SSC5D: variants seen among roughly 807,000 people sequenced by gnomAD.
The protein encoded by SSC5D is scavenger receptor cysteine rich family member with 5 domains.
A neutral mutation model predicts 104.6 loss-of-function variants in SSC5D; 106 were observed. The ratio of observed to expected loss-of-function variants is 1.01; its 90% CI spans 0.87 to 1.19. The LOEUF (loss-of-function observed/expected upper bound fraction) is 1.19. SSC5D is among the 50% of genes most tolerant of loss of function. The pLI is 0.00. For missense variants in SSC5D, 1,993 were observed against 2,153.8 expected (o/e 0.93, Z 1.48); for synonymous variants, 860 against 883.5 (o/e 0.97, Z 0.47).
At position 55,495,653 on chromosome 19, in the gene SSC5D, C is replaced by T. The variant is rs140434611; in HGVS notation, c.1387+870C>T. On this transcript the variant is annotated intron_variant, in intron 8 of 13. Transcript: ENST00000389623. Reference sequence around the variant, plus strand: ...TAAAAAGATTGTGACTGACGGTTCTCAAGAGGATGGCGTGCCACACGGGGC... The same window carrying T: ...TAAAAAGATTGTGACTGACGGTTCTTAAGAGGATGGCGTGCCACACGGGGC... Among the ~76,000 whole-genome samples, 471 of 152,174 alleles carry T rather than the reference C, an allele frequency of 3.1e-3. 1 individual carries two copies. Among genetic ancestry groups the T allele is most frequent in the Non-Finnish European group, 5.0e-3 (337 of 68,008 alleles).
chr19:55,509,995 TTC>T (rs1484437615), intron 12 of SSC5D, among the ~76,000 whole-genome samples: 1 of 151,968 alleles, frequency 6.6e-6, no homozygotes, highest in Non-Finnish European at 1.5e-5. Context: ...TCAATTTGTG[TTC>T]TTTTTTTTTT....
At position 55,497,950 on chromosome 19, in the gene SSC5D, G is replaced by A; in HGVS notation, c.1458G>A (p.Gln486=). 6.4e-7 allele frequency: 1 copy of A among 1,551,882 alleles called. No homozygotes were observed. The highest frequency in any genetic ancestry group is 1.2e-5 in the South Asian group (1 of 84,060). ...CSGRLEVWHD[Q]RWGTVCDDSW... ...GTCGACTGGAGGTGTGGCATGACCA[G>A]CGCTGGGGGACCGTGTGTGACGATA... Residue 486 remains glutamine (Q), a synonymous_variant, in exon 9 of 14, where the codon CAG becomes CAA. Transcript: ENST00000389623.
chr19:55,490,996 G>C lies in SSC5D; in HGVS notation c.811G>C (p.Glu271Gln). Residue 271 changes from glutamate to glutamine, a missense_variant, in exon 6 of 14, where the codon GAA (glutamate) becomes CAA (glutamine). Transcript: ENST00000389623. ...GGACGATGTGGGGTGTGGAGGAGGA[G>C]AACAGGCCCTCCGAGACTGCCCCCG... ...WMDDVGCGGGEQALRDCPRSP... is the reference protein window; with the variant it reads ...WMDDVGCGGGQQALRDCPRSP... The C allele has an allele frequency of 6.5e-7, 1 of 1,549,554 alleles. No individual in the cohort carries two copies.
At position 55,489,542 on chromosome 19, in the gene SSC5D, C is replaced by T; in HGVS notation, c.241C>T (p.Pro81Ser). ...CGCCTTCTTCGGGGAGGGGGCAGGG[C>T]CTGTGTGGCTCAGCGAGCTGGCTTG... ...GGAFFGEGAG[P>S]VWLSELACRG... The change falls in exon 3 of 14, where the codon CCT becomes TCT. Residue 81 changes from proline (P) to serine (S), a missense_variant. By Grantham distance (74) the Pro-to-Ser change is moderately conservative. Coordinates refer to ENST00000389623, the MANE Select transcript of SSC5D (RefSeq NM_001144950.2). 1 of 1,495,716 alleles carries T rather than the reference C, an allele frequency of 6.7e-7. No homozygotes were observed. The highest frequency in any genetic ancestry group is 8.9e-7 in the Non-Finnish European group (1 of 1,127,250). The allele number at this position is 1,495,716 out of a possible 1,614,324, so 92.7% of individuals were successfully genotyped here.
chr19:55,499,365 T>C (rs1159936140), intron 9 of SSC5D, among the ~76,000 whole-genome samples: 1 of 152,212 alleles, frequency 6.6e-6, no homozygotes, highest in African/African-American at 2.4e-5. Flanking sequence ...TCTGTCCCCG[T>C]CTTCCTGAGG....
chr19:55,499,547 G>A (rs557097272), intron 9 of SSC5D, among the ~76,000 whole-genome samples: 1 of 152,326 alleles, frequency 6.6e-6, no homozygotes, highest in East Asian at 1.9e-4. Flanking sequence ...GAGAGGTCAG[G>A]TGTGAAAGGG....
At chr19:55,512,522 C>T (rs536015138) in intron 12 of SSC5D, among the ~76,000 whole-genome samples, 8 of 151,316 alleles carry the variant, frequency 5.3e-5, no homozygotes, top group Non-Finnish European at 1.2e-4. Flanking sequence ...CGCTCTGTCA[C>T]CCAGGCAGGA....
Position 55,500,756 on chromosome 19 carries a change from G to A in SSC5D, c.2569G>A (p.Gly857Arg). The part of the protein sequence containing the change: ...SLSDCPSGAW[G>R]KHNCDHEEDV... ...GAGCGACTGCCCCTCGGGGGCTTGG[G>A]GGAAGCACAACTGTGACCACGAGGA... Residue 857 changes from glycine to arginine, a missense_variant, in exon 11 of 14, where the codon GGG becomes AGG. By Grantham distance (125) the Gly-to-Arg change is moderately radical. Around this residue, in one of 6 missense-constraint regions of SSC5D, gnomAD observed 423 missense variants for 409.2 expected, o/e 1.03. Coordinates refer to ENST00000389623, the MANE Select transcript of SSC5D (RefSeq NM_001144950.2). The surrounding 1 kb of genome is among the most constrained non-coding windows in gnomAD (Gnocchi z 4.6). 6.4e-7 allele frequency: 1 copy of A among 1,551,624 alleles called. No homozygotes were observed. Among genetic ancestry groups the A allele is most frequent in the Non-Finnish European group, 8.7e-7 (1 of 1,146,962 alleles).
intron 4 of SSC5D, 96 bp downstream of exon 4, chr19:55,490,091 T>G: frequency 2.2e-6 from 1 of 453,226 alleles, no homozygotes; most frequent in Non-Finnish European, 3.2e-6. Context: ...CCACCCAGCG[T>G]GCCCTCCTGC....
intron 6 of SSC5D, chr19:55,491,317 CG>C: frequency 3.7e-6 from 2 of 541,066 alleles, no homozygotes; most frequent in African/African-American, 2.0e-5. Flanking sequence ...AGCCCTGTCC[CG>C]GGGCCTAGGC....
chr19:55,511,054 C>T (rs1005195654), intron 12 of SSC5D, among the ~76,000 whole-genome samples: 2 of 152,228 alleles, frequency 1.3e-5, no homozygotes, highest in African/African-American at 2.4e-5. Flanking sequence ...GCTGGGATTA[C>T]AGGCGTGAGC....
intron 6 of SSC5D, chr19:55,491,466 C>A (rs1213485587): frequency 5.1e-6 from 1 of 197,124 alleles, no homozygotes; most frequent in South Asian, 1.1e-4. Context: ...GGCAGGGGAC[C>A]GTCTCGGAGA....
In SSC5D at chr19:55,518,885, C is replaced by A. The variant is rs1387936442; in HGVS notation, c.4609C>A (p.Gln1537Lys). Reference sequence around the variant, plus strand: ...GGTAGAAGCTGCCCGGGGTCTGGGGCAGCTGGGTGAGGCTGTGAAGAGACT... The same window carrying A: ...GGTAGAAGCTGCCCGGGGTCTGGGGAAGCTGGGTGAGGCTGTGAAGAGACT... The part of the protein sequence containing the change: ...QLVEAARGLG[Q>K]LGEAVKRLAE... The change falls in exon 14 of 14, where the codon CAG becomes AAG. Residue 1537 changes from glutamine to lysine, a missense_variant. This residue lies in a region of SSC5D where 349 missense variants were observed against 397.6 expected (regional missense o/e 0.88). Transcript: ENST00000389623. The A allele has an allele frequency of 6.5e-7, 1 of 1,550,148 alleles. No individual in the cohort carries two copies. Among genetic ancestry groups the A allele is most frequent in the Non-Finnish European group, 8.7e-7 (1 of 1,146,978 alleles).
At chr19:55,489,281 C>A in intron 2 of SSC5D, 73 bp from the exon 3 acceptor site, 1 of 1,391,248 alleles carries the variant, frequency 7.2e-7, no homozygotes, top group Non-Finnish European at 9.3e-7. Context: ...CAGCCACCTG[C>A]CCCTACAGTT....
chr19:55,493,936 C>T (rs755875649), intron 7 of SSC5D, 24 bp downstream of exon 7: 19 of 1,081,110 alleles, frequency 1.8e-5, no homozygotes, highest in South Asian at 1.3e-4. Flanking sequence ...GGTGGAGGAC[C>T]GGGAGGTGGG....
rs1187417238 is a variant in SSC5D, at chr19:55,494,783, G to A, written c.1387G>A (p.Gly463Arg). Reference protein sequence around the residue: ...TVLWEPGPEAGSPQLRLVAGP... With the variant: ...TVLWEPGPEARSPQLRLVAGP... Reference sequence around the variant, plus strand: ...CCTTTGGGAGCCTGGACCGGAAGCCGGTGAGTCCCTCCATGCTCCCCAAGA... The same window carrying A: ...CCTTTGGGAGCCTGGACCGGAAGCCAGTGAGTCCCTCCATGCTCCCCAAGA... Residue 463 changes from glycine to arginine, a missense_variant and splice_region_variant, in exon 8 of 14, where the codon GGG (glycine) becomes AGG (arginine). By Grantham distance (125) the Gly-to-Arg change is moderately radical. This residue lies in a region of SSC5D where 1,101 missense variants were observed against 1,085.0 expected (regional missense o/e 1.01). Coordinates refer to ENST00000389623, the MANE Select transcript of SSC5D (RefSeq NM_001144950.2). 3 of 1,539,838 alleles carry A rather than the reference G, an allele frequency of 1.9e-6. No homozygotes were observed. The highest frequency in any genetic ancestry group is 2.6e-6 in the Non-Finnish European group (3 of 1,140,126).
rs1568486881 is a variant in SSC5D at position 55,518,861 on chromosome 19, G to A, written c.4585G>A (p.Val1529Ile). Residue 1529 changes from valine to isoleucine, a missense_variant, in exon 14 of 14, where the codon GTA becomes ATA. Coordinates refer to ENST00000389623, the MANE Select transcript of SSC5D (RefSeq NM_001144950.2). Reference protein sequence around the residue: ...QALLLGLTQLVEAARGLGQLG... With the variant: ...QALLLGLTQLIEAARGLGQLG... ...CCTGCTGCTGGGGCTGACGCAGCTGGTAGAAGCTGCCCGGGGTCTGGGGCA... is the reference window on the plus strand; with the variant it reads ...CCTGCTGCTGGGGCTGACGCAGCTGATAGAAGCTGCCCGGGGTCTGGGGCA... 1 of 1,550,354 alleles carries A rather than the reference G, an allele frequency of 6.5e-7. No individual in the cohort carries two copies. The highest frequency in any genetic ancestry group is 8.7e-7 in the Non-Finnish European group (1 of 1,146,996).
intron 2 of SSC5D, 111 bp downstream of exon 2, chr19:55,489,143 CT>C: frequency 1.1e-6 from 1 of 919,866 alleles, no homozygotes; most frequent in Non-Finnish European, 1.5e-6. Flanking sequence ...CCGAATTCCA[CT>C]GTGACCTTGG....
In SSC5D at chr19:55,493,827, C is replaced by T. The variant is rs778812709; in HGVS notation, c.1128C>T (p.Asn376=). Residue 376 remains asparagine (N), a synonymous_variant, in exon 7 of 14, where the codon AAC becomes AAT. Transcript: ENST00000389623. ...IILDDLRCRG[N]ETALRFCPAR... ...TGGACGACCTTCGGTGTCGGGGAAA[C>T]GAGACGGCCTTACGATTCTGCCCAG... The T allele has an allele frequency of 9.0e-6, 14 of 1,549,444 alleles. 1 individual carries two copies. The South Asian group carries it at 1.3e-4, about 14-fold the overall frequency.
Sources: allele counts gnomAD v4.1 joint callset (sites outside exome capture counted in the v4.1 genomes callset), GRCh38; gene constraint gnomAD v4.1.1; regional missense constraint gnomAD v4.1.1; non-coding constraint Gnocchi (gnomAD v3.1); transcripts MANE v1.5; gene names NCBI Gene and HGNC (gene_info 2026-07-23, HGNC 2026-07-21).